Variants in CDH13 observed in about 807,000 individuals in gnomAD.
The protein encoded by CDH13 is cadherin 13.
CDH13 carries 24 observed loss-of-function variants against 63.8 expected under a neutral mutation model. The ratio of observed to expected loss-of-function variants is 0.38; its 90% confidence interval spans 0.27 to 0.53. The LOEUF (loss-of-function observed/expected upper bound fraction) is 0.53, where lower values mean the gene tolerates loss of function less well. Ranked by LOEUF, CDH13 falls within the 20% of genes least tolerant of loss-of-function variation. The pLI is 0.85. For synonymous variants in CDH13, 503 were observed against 355.3 expected, an observed-to-expected ratio of 1.42 and a Z score of -4.67; for missense variants, 1,049 against 903.1, an observed-to-expected ratio of 1.16 and a Z score of -2.07.
chr16:82,925,020 G>T (rs1270348492), intron 2 of CDH13, among the ~76,000 whole-genome samples: 1 of 152,174 alleles, frequency 6.6e-6, no homozygotes, highest in Non-Finnish European at 1.5e-5. Flanking sequence ...ACTGAAGTGG[G>T]TGGATTTTCC....
intron 1 of CDH13, among the ~76,000 whole-genome samples, chr16:82,729,326 A>G (rs988094686): frequency 2.6e-5 from 4 of 152,172 alleles, no homozygotes; most frequent in Non-Finnish European, 5.9e-5. Context: ...ACAAAATGTT[A>G]TTTCTTTAAT....
intron 6 of CDH13, among the ~76,000 whole-genome samples, chr16:83,356,657 C>T (rs972542918): frequency 7.3e-5 from 11 of 151,716 alleles, no homozygotes; most frequent in Middle Eastern, 3.2e-3. Flanking sequence ...TTTTTAAAGC[C>T]CTGAATAATT....
At chr16:83,442,037 T>C (rs896825503) in intron 6 of CDH13, among the ~76,000 whole-genome samples, 22 of 152,114 alleles carry the variant, frequency 1.4e-4, no homozygotes, top group Admixed American at 2.0e-4. Flanking sequence ...GACAGAGTCT[T>C]TTTTGTCCAC....
intron 4 of CDH13, among the ~76,000 whole-genome samples, chr16:83,129,948 A>AC (rs2035977732): frequency 6.6e-6 from 1 of 151,932 alleles, no homozygotes; most frequent in African/African-American, 2.4e-5. Flanking sequence ...GGCTTTTGAA[A>AC]CCCCCTGTAC....
chr16:83,536,557 A>T (rs1475955825), intron 7 of CDH13, among the ~76,000 whole-genome samples: 2 of 152,178 alleles, frequency 1.3e-5, no homozygotes, highest in Admixed American at 6.5e-5. Flanking sequence ...ACACCCATGG[A>T]ACCTTGTAGA....
At chr16:83,481,685 C>T (rs923420) in intron 6 of CDH13, among the ~76,000 whole-genome samples, 152,192 of 152,314 alleles carry the variant, frequency 1, 76,035 homozygotes, top group Middle Eastern at 1. Context: ...GGGATGTTTT[C>T]TTCCCCCTTT....
intron 3 of CDH13, among the ~76,000 whole-genome samples, chr16:83,121,962 T>TCACACA (rs10665608): frequency 0.017 from 2,452 of 147,476 alleles, 40 homozygotes; most frequent in East Asian, 0.038. Flanking sequence ...TTTAAAACTG[T>TCACACA]CACACACACA....
chr16:82,910,694 G>T (rs767873865), intron 2 of CDH13, among the ~76,000 whole-genome samples: 1 of 152,120 alleles, frequency 6.6e-6, no homozygotes, highest in Admixed American at 6.5e-5. Context: ...GGTACTTATT[G>T]GTGGCCATGT....
Position 83,800,175 on chromosome 16 carries a change from T to A in CDH13, c.*5145T>A, listed in dbSNP as rs1904310645. 6.6e-6 allele frequency: 1 copy of A among 151,396 alleles called. No individual in the cohort carries two copies. The highest frequency in any genetic ancestry group is 2.1e-4 in the South Asian group (1 of 4,780). 9.4% of individuals were successfully genotyped at this position (151,396 alleles called of 1,614,324 possible). On this transcript the variant is annotated 3_prime_UTR_variant, in exon 14 of 14. Transcript: ENST00000567109. ...TTGGGTGGTGTAGGACGAGGGAGGT[T>A]TTCACTCTGAAGCTATGAAGATTTG... is the stretch of plus-strand genomic sequence containing the variant.
At chr16:83,269,501 C>T (rs1453679662) in intron 5 of CDH13, among the ~76,000 whole-genome samples, 1 of 149,666 alleles carries the variant, frequency 6.7e-6, no homozygotes, top group Non-Finnish European at 1.5e-5. Context: ...TTAAACAGAT[C>T]TTAGAATAGT....
chr16:82,797,385 C>G (rs943090708), intron 1 of CDH13, among the ~76,000 whole-genome samples: 1 of 152,166 alleles, frequency 6.6e-6, no homozygotes, highest in Non-Finnish European at 1.5e-5. Flanking sequence ...AGTGCAGAGC[C>G]CTGGACCAAA....
In CDH13 at chr16:83,407,278, C is replaced by G. The variant is rs144915540; in HGVS notation, c.781+62272C>G. ...TTTGCCTCCAGAGGCATAATCTTAC[C>G]TCCTGCCCGTTTATTTGAAATACAC... On this transcript the variant is annotated intron_variant, in intron 6 of 13. Transcript: ENST00000567109. Among the ~76,000 whole-genome samples the G allele has an allele frequency of 4.9e-3, 740 of 152,332 alleles. 3 individuals carry two copies. Among genetic ancestry groups the G allele is most frequent in the South Asian group, 9.9e-3 (48 of 4,832 alleles).
chr16:83,437,474 G>A lies in CDH13; in HGVS notation c.782-49003G>A, dbSNP rs113242024. ...GTGGATCACCTGAGATCAGGAGATC[G>A]AGACCATCCTGGCTAACACAGTGAA... On this transcript the variant is annotated intron_variant, in intron 6 of 13. Coordinates refer to ENST00000567109, the MANE Select transcript of CDH13 (RefSeq NM_001257.5). Among the ~76,000 whole-genome samples the A allele has an allele frequency of 9.9e-5, 15 of 152,084 alleles. No individual in the cohort carries two copies. The East Asian group carries it at 1.6e-3, about 16-fold the overall frequency.
At chr16:83,565,383 C>CTTTTTTTTTTTTTTTTTTTT (rs369127310) in intron 7 of CDH13, among the ~76,000 whole-genome samples, 11 of 130,612 alleles carry the variant, frequency 8.4e-5, no homozygotes, top group Non-Finnish European at 9.4e-5. Context: ...TTCCACTGTT[C>CTTTTTTTTTTTTTTTTTTTT]TTTTTTTTTT....
At chr16:82,751,857 A>G (rs559377223) in intron 1 of CDH13, among the ~76,000 whole-genome samples, 97 of 151,970 alleles carry the variant, frequency 6.4e-4, no homozygotes, top group African/African-American at 2.2e-3. Context: ...AGAAATGTGG[A>G]TCCTCCCGCA....
At chr16:83,386,468 G>A (rs2091676996) in intron 6 of CDH13, among the ~76,000 whole-genome samples, 4 of 152,196 alleles carry the variant, frequency 2.6e-5, no homozygotes, top group African/African-American at 9.7e-5. Flanking sequence ...TTTGATGTAT[G>A]CTCTTCTAGG....
intron 4 of CDH13, among the ~76,000 whole-genome samples, chr16:83,194,131 G>T (rs989395716): frequency 2.0e-5 from 3 of 152,182 alleles, no homozygotes; most frequent in South Asian, 4.1e-4. Flanking sequence ...TATGAAGAAT[G>T]GTTTTTCTAA....
chr16:82,919,091 T>C (rs1359924715), intron 2 of CDH13, among the ~76,000 whole-genome samples: 1 of 152,240 alleles, frequency 6.6e-6, no homozygotes, highest in Non-Finnish European at 1.5e-5. Context: ...ATAGTACTCA[T>C]AGTAATTGAT....
chr16:82,867,364 G>A (rs1490444502), intron 2 of CDH13, among the ~76,000 whole-genome samples: 1 of 152,144 alleles, frequency 6.6e-6, no homozygotes, highest in Non-Finnish European at 1.5e-5. Context: ...GTGAGATAGA[G>A]AGAACTGCTG....
Sources: gnomAD v4.1 joint callset for allele counts (sites outside exome capture counted in the v4.1 genomes callset) on GRCh38, gnomAD v4.1.1 for gene constraint, MANE v1.5 for transcripts, NCBI Gene and HGNC (gene_info 2026-07-23, HGNC 2026-07-21) for gene names.